Variants in ALDH18A1 observed in about 807,000 individuals in gnomAD.
The protein encoded by ALDH18A1 is aldehyde dehydrogenase 18 family member A1, also known as delta-1-pyrroline-5-carboxylate synthase.
A neutral mutation model predicts 88.8 loss-of-function variants in ALDH18A1; 44 were observed. That is an observed-to-expected ratio of 0.50 (90% CI 0.39 to 0.64). The LOEUF is 0.64. ALDH18A1 is among the 30% of genes least tolerant of loss of function. The pLI, the probability that ALDH18A1 is intolerant of heterozygous loss-of-function variation, is 0.00. For missense variants in ALDH18A1, 782 were observed against 1,009.5 expected (o/e 0.77, Z 3.05); for synonymous variants, 331 against 372.1 (o/e 0.89, Z 1.27).
At chr10:95,641,762 C>CA (rs1285073458) in intron 3 of ALDH18A1, among the ~76,000 whole-genome samples, 1 of 152,082 alleles carries the variant, frequency 6.6e-6, no homozygotes, top group African/African-American at 2.4e-5. Context: ...CCTCAGCCTC[C>CA]CGAGTAGCCG....
At chr10:95,617,077 T>A (rs1331381936) in intron 12 of ALDH18A1, among the ~76,000 whole-genome samples, 2 of 152,216 alleles carry the variant, frequency 1.3e-5, no homozygotes, top group Admixed American at 1.3e-4. Flanking sequence ...TGAAACCCCA[T>A]CTCTACTATA....
Position 95,606,294 on chromosome 10 carries a change from A to C in ALDH18A1, c.*468T>G, listed in dbSNP as rs1234492166. On this transcript the variant is annotated 3_prime_UTR_variant, in exon 18 of 18. Transcript: ENST00000371224. ...TTGTGACTTTCTGATGAGAATGCTA[A>C]AAAGAAGAGTTGCCCCTTTTCTAAA... is the stretch of plus-strand genomic sequence containing the variant. 1 of 1,002,470 alleles carries C rather than the reference A, an allele frequency of 1.0e-6. No individual in the cohort carries two copies. The highest frequency in any genetic ancestry group is 1.2e-6 in the Non-Finnish European group (1 of 839,488). The allele number at this position is 1,002,470 out of a possible 1,614,324, so 62.1% of individuals were successfully genotyped here. A position where few individuals can be genotyped will look rare whatever the true frequency, so the allele number is the denominator to read the frequency against.
At chr10:95,608,498 G>A (rs2097826954) in intron 17 of ALDH18A1, among the ~76,000 whole-genome samples, 1 of 152,220 alleles carries the variant, frequency 6.6e-6, no homozygotes, top group Non-Finnish European at 1.5e-5. Context: ...TAAAATGTGT[G>A]TCTTTCTGTT....
intron 16 of ALDH18A1, 100 bp downstream of exon 16, chr10:95,611,156 C>T (rs2097833474): frequency 2.1e-6 from 3 of 1,410,620 alleles, no homozygotes; most frequent in South Asian, 2.3e-5. Flanking sequence ...CATAAGCCTA[C>T]TCAAATGATG....
chr10:95,645,257 A>G (rs1481041670), intron 2 of ALDH18A1, among the ~76,000 whole-genome samples: 1 of 152,212 alleles, frequency 6.6e-6, no homozygotes, highest in Non-Finnish European at 1.5e-5. Context: ...ACTTTTCTAT[A>G]TCTCATTACA....
chr10:95,618,031 TC>T (rs976961900), intron 12 of ALDH18A1, among the ~76,000 whole-genome samples: 11 of 152,116 alleles, frequency 7.2e-5, no homozygotes, highest in Admixed American at 7.2e-4. Context: ...CACAGAGCAT[TC>T]CAGATTCCAC....
In ALDH18A1 at chr10:95,637,180, C is replaced by T; in HGVS notation, c.471G>A (p.Glu157=). The T allele has an allele frequency of 6.2e-7, 1 of 1,614,174 alleles. No homozygotes were observed. Among genetic ancestry groups the T allele is most frequent in the Non-Finnish European group, 8.5e-7 (1 of 1,180,036 alleles). Residue 157 remains glutamate, a synonymous_variant, in exon 5 of 18, where the codon GAG becomes GAA. Transcript: ENST00000371224. ...QLKEMAIPVL[E]ARACAAAGQS... ...GTCCGGCAGCTGCACAGGCTCGTGCCTCTAAGACTGGAATTGCCTGTAATA... is the reference window on the plus strand; with the variant it reads ...GTCCGGCAGCTGCACAGGCTCGTGCTTCTAAGACTGGAATTGCCTGTAATA...
In ALDH18A1 at chr10:95,631,733, G is replaced by C. The variant is rs11596004; in HGVS notation, c.808+1226C>G. 4.5e-5 allele frequency among the ~76,000 whole-genome samples: 6 copies of C among 134,338 alleles called. No individual in the cohort carries two copies. The Admixed American group carries it at 4.7e-4, about 10-fold the overall frequency. The allele number at this position is 134,338 out of a possible 152,430, so 88.1% of individuals were successfully genotyped here. On this transcript the variant is annotated intron_variant, in intron 7 of 17. Coordinates refer to ENST00000371224, the MANE Select transcript of ALDH18A1 (RefSeq NM_002860.4). ...ACTCCTGCCTGGGTGACAGGATAAGGCTCTGCCTCAAAAAAAAAAAAAAAA... is the reference window on the plus strand; with the variant it reads ...ACTCCTGCCTGGGTGACAGGATAAGCCTCTGCCTCAAAAAAAAAAAAAAAA...
intron 2 of ALDH18A1, among the ~76,000 whole-genome samples, chr10:95,649,183 T>C (rs1393682064): frequency 6.6e-6 from 1 of 152,034 alleles, no homozygotes; most frequent in Non-Finnish European, 1.5e-5. Context: ...AAGATGAACA[T>C]TGACCTAAAC....
intron 9 of ALDH18A1, among the ~76,000 whole-genome samples, chr10:95,627,094 T>A (rs2097861482): frequency 6.6e-6 from 1 of 152,132 alleles, no homozygotes. Context: ...GAATGCAGAT[T>A]ATGAGGCAAT....
chr10:95,633,555 A>C lies in ALDH18A1; in HGVS notation c.653T>G (p.Ile218Ser). 1 of 1,614,166 alleles carries C rather than the reference A, an allele frequency of 6.2e-7. No individual in the cohort carries two copies. The highest frequency in any genetic ancestry group is 8.5e-7 in the Non-Finnish European group (1 of 1,180,028). ...GACAACAGCATCATTTGTGTTGACAATGGGGACAATGTTCATTCTAAGGAG... is the reference window on the plus strand; with the variant it reads ...GACAACAGCATCATTTGTGTTGACACTGGGGACAATGTTCATTCTAAGGAG... ...HELLRMNIVP[I>S]VNTNDAVVPP... Residue 218 changes from isoleucine (I) to serine (S), a missense_variant, in exon 6 of 18, where the codon ATT becomes AGT. Transcript: ENST00000371224.
chr10:95,642,470 C>T (rs1250368159), intron 3 of ALDH18A1, among the ~76,000 whole-genome samples: 1 of 152,056 alleles, frequency 6.6e-6, no homozygotes, highest in African/African-American at 2.4e-5. Context: ...CAAAAATTTG[C>T]TGGGCATAAT....
Position 95,643,074 on chromosome 10 carries a change from A to G in ALDH18A1, c.221T>C (p.Val74Ala). 6.2e-7 allele frequency: 1 copy of G among 1,614,144 alleles called. No homozygotes were observed. Among genetic ancestry groups the G allele is most frequent in the Non-Finnish European group, 8.5e-7 (1 of 1,180,008 alleles). The change falls in exon 3 of 18, where the codon GTG becomes GCG. Residue 74 changes from valine (V) to alanine (A), a missense_variant. Physicochemically the swap from Val to Ala is moderately conservative, Grantham distance 64. This residue lies in a region of ALDH18A1 where 94 missense variants were observed against 99.5 expected (regional missense o/e 0.94). Transcript: ENST00000371224. ...CACCACGGCACTGCCGAGCTTCACC[A>G]CGATTCTCTTGGCATGCTTCAGCTC... ...RSELKHAKRI[V>A]VKLGSAVVTR...
intron 2 of ALDH18A1, 83 bp from the exon 3 acceptor site, chr10:95,643,289 C>T: frequency 7.2e-7 from 1 of 1,391,984 alleles, no homozygotes; most frequent in Non-Finnish European, 1.0e-6. Flanking sequence ...TCAGTATTAA[C>T]CAGTTTAGAT....
chr10:95,608,322 G>A (rs981104965), intron 17 of ALDH18A1, among the ~76,000 whole-genome samples: 1 of 152,204 alleles, frequency 6.6e-6, no homozygotes, highest in Non-Finnish European at 1.5e-5. Flanking sequence ...CAATGCAAGT[G>A]ATGTGATAAT....
At chr10:95,621,531 C>T (rs544454439) in intron 11 of ALDH18A1, among the ~76,000 whole-genome samples, 6 of 151,962 alleles carry the variant, frequency 3.9e-5, no homozygotes, top group Non-Finnish European at 7.4e-5. Flanking sequence ...AGGTTGATCT[C>T]GAACTCCTCA....
At position 95,614,042 on chromosome 10, in the gene ALDH18A1, T is replaced by C; in HGVS notation, c.1725A>G (p.Pro575=). Residue 575 remains proline (P), a synonymous_variant, in exon 14 of 18, where the codon CCA becomes CCG. Transcript: ENST00000371224. ...RDIQKAAKGI[P]VMGHSEGICH... is the part of the protein sequence containing the mutation. The stretch of plus-strand genomic sequence containing the variant: ...AGATCCCTTCGCTGTGCCCCATCAC[T>C]GGAATCCCCTTAGCAGCTTTCTGGA... 6.2e-7 allele frequency: 1 copy of C among 1,614,218 alleles called. No homozygotes were observed. The highest frequency in any genetic ancestry group is 1.1e-5 in the South Asian group (1 of 91,088).
At position 95,627,568 on chromosome 10, in the gene ALDH18A1, C is replaced by G; in HGVS notation, c.952G>C (p.Ala318Pro). The G allele has an allele frequency of 6.2e-7, 1 of 1,614,126 alleles. No homozygotes were observed. The highest frequency in any genetic ancestry group is 8.5e-7 in the Non-Finnish European group (1 of 1,179,970). ...MEAKVKAALW[A>P]LQGGTSVVIA... ...ACAACAGAAGTGCCACCTTGCAAAG[C>G]CCAGAGGGCTGCTTTCACCTAATGA... The change falls in exon 9 of 18, where the codon GCT becomes CCT. Residue 318 changes from alanine to proline, a missense_variant. Physicochemically the swap from Ala to Pro is conservative, Grantham distance 27. Around this residue, in one of 3 missense-constraint regions of ALDH18A1, gnomAD observed 556 missense variants for 654.5 expected, o/e 0.85. Coordinates refer to ENST00000371224, the MANE Select transcript of ALDH18A1 (RefSeq NM_002860.4).
At chr10:95,644,068 G>A (rs1015340157) in intron 2 of ALDH18A1, among the ~76,000 whole-genome samples, 3 of 152,100 alleles carry the variant, frequency 2.0e-5, no homozygotes, top group Admixed American at 6.5e-5. Context: ...GCTTGAACCC[G>A]GGAGGCAGAG....
Sources: gnomAD v4.1 joint callset for allele counts (sites outside exome capture counted in the v4.1 genomes callset) on GRCh38, gnomAD v4.1.1 for gene constraint, gnomAD v4.1.1 regional missense constraint, MANE v1.5 for transcripts, NCBI Gene and HGNC (gene_info 2026-07-23, HGNC 2026-07-21) for gene names.